Variants in PACRGL observed in about 807,000 individuals in gnomAD.
The protein encoded by PACRGL is parkin coregulated like, also known as PACRG-like protein.
PACRGL carries 38 observed loss-of-function variants against 34.5 expected under a neutral mutation model. The ratio of observed to expected loss-of-function variants is 1.10; its 90% CI spans 0.85 to 1.44. PACRGL has a LOEUF of 1.44. Among genes scored for constraint, PACRGL ranks in the 40% most tolerant of loss-of-function variants. PACRGL has a pLI of 0.00. For missense variants in PACRGL, 305 were observed against 281.4 expected (o/e 1.08, Z -0.60); for synonymous variants, 128 against 100.1 (o/e 1.28, Z -1.66).
At position 20,720,959 on chromosome 4, in the gene PACRGL, C is replaced by T. The variant is rs148948412; in HGVS notation, c.610-3849C>T. Among the ~76,000 whole-genome samples the T allele has an allele frequency of 7.7e-3, 1,170 of 152,340 alleles. 10 individuals carry two copies. The highest frequency in any genetic ancestry group is 0.013 in the Non-Finnish European group (874 of 68,030). ...CCATTCTCCCTGTCACTTTCAGGTA[C>T]ACCAATCAGACGTAGATTTGGTCTT... On this transcript the variant is annotated intron_variant, in intron 7 of 8. Coordinates refer to ENST00000503585, the MANE Select transcript of PACRGL (RefSeq NM_001258345.3).
chr4:20,758,221 C>T, the PACRGL span, among the ~76,000 whole-genome samples: 8 of 152,236 alleles, frequency 5.3e-5, no homozygotes, highest in South Asian at 6.2e-4. Flanking sequence ...ATTATCATTA[C>T]GCTATCCTTG....
At chr4:20,750,595 C>T (rs1189259885) in intron 8 of PACRGL, among the ~76,000 whole-genome samples, 1 of 152,130 alleles carries the variant, frequency 6.6e-6, no homozygotes, top group East Asian at 1.9e-4. Flanking sequence ...TCCTGTTTCT[C>T]CGTTGTCTCC....
chr4:20,742,994 A>G (rs947908035), intron 8 of PACRGL, among the ~76,000 whole-genome samples: 2 of 152,098 alleles, frequency 1.3e-5, no homozygotes, highest in Non-Finnish European at 2.9e-5. Context: ...ATACCTAGGA[A>G]TCCAACTTAT....
At position 20,740,024 on chromosome 4, in the gene PACRGL, C is replaced by T. The variant is rs1028797217; in HGVS notation, c.*57-12541C>T. ...TGAAGATCAAGTGAATGAAATGAAG[C>T]GAGAAGAGAAGTATAGAGAAAAATG... On this transcript the variant is annotated intron_variant, in intron 8 of 8. Coordinates refer to the PACRGL transcript ENST00000507634. 4.6e-5 allele frequency among the ~76,000 whole-genome samples: 7 copies of T among 151,908 alleles called. No individual in the cohort carries two copies. In the South Asian group the frequency reaches 1.0e-3, roughly 23 times the overall value.
At chr4:20,718,951 A>T (rs771801497) in intron 7 of PACRGL, 1 of 152,170 alleles carries the variant, frequency 6.6e-6, no homozygotes, top group Admixed American at 6.5e-5. Context: ...CTGTGAATCC[A>T]TCTGGTCCTG....
At position 20,730,385 on chromosome 4, in the gene PACRGL, G is replaced by A. The variant is rs540780609; in HGVS notation, c.*3044G>A. On this transcript the variant is annotated 3_prime_UTR_variant, in exon 9 of 9. Transcript: ENST00000503585. Reference sequence around the variant, plus strand: ...ACCACTTTATTTAAATCTTTACTTGGTATTAATAGAGGATATTTCTCAAAT... The same window carrying A: ...ACCACTTTATTTAAATCTTTACTTGATATTAATAGAGGATATTTCTCAAAT... 6.3e-4 allele frequency among the ~76,000 whole-genome samples: 96 copies of A among 152,206 alleles called. No individual in the cohort carries two copies. Among genetic ancestry groups the A allele is most frequent in the South Asian group, 1.7e-3 (8 of 4,820 alleles).
intron 8 of PACRGL, among the ~76,000 whole-genome samples, chr4:20,741,692 T>C (rs995411355): frequency 2.6e-5 from 4 of 152,114 alleles, no homozygotes; most frequent in African/African-American, 9.7e-5. Flanking sequence ...ATTCAAAAGC[T>C]AGCAGAAGGC....
downstream of PACRGL, among the ~76,000 whole-genome samples, chr4:20,754,391 A>G (rs540340330): frequency 1.8e-4 from 28 of 152,246 alleles, no homozygotes; most frequent in South Asian, 8.3e-4. Flanking sequence ...ACTGTTCATA[A>G]TGAGAAAAAC....
In PACRGL at chr4:20,729,977, C is replaced by A. The variant is rs1196848351; in HGVS notation, c.*2636C>A. The A allele has an allele frequency of 7.7e-6, 10 of 1,305,774 alleles. No homozygotes were observed. Among genetic ancestry groups the A allele is most frequent in the South Asian group, 1.8e-5 (1 of 55,876 alleles). The allele number at this position is 1,305,774 out of a possible 1,614,324, so 80.9% of individuals were successfully genotyped here. A position where few individuals can be genotyped will look rare whatever the true frequency, so the allele number is the denominator to read the frequency against. ...AAACAAAGCTTGTTTGCATAATATG[C>A]TTCAGTGTCAAGCTGAGCAATCTAT... On this transcript the variant is annotated 3_prime_UTR_variant, in exon 9 of 9. Coordinates refer to ENST00000503585, the MANE Select transcript of PACRGL (RefSeq NM_001258345.3).
chr4:20,759,317 A>G, the PACRGL span, among the ~76,000 whole-genome samples: 1 of 152,284 alleles, frequency 6.6e-6, no homozygotes, highest in African/African-American at 2.4e-5. Flanking sequence ...GAATTACTCT[A>G]TTGGCATCTC....
At chr4:20,712,065 G>C (rs911885439) in intron 5 of PACRGL, among the ~76,000 whole-genome samples, 2 of 152,032 alleles carry the variant, frequency 1.3e-5, no homozygotes, top group South Asian at 4.1e-4. Flanking sequence ...CTTTCAGAAA[G>C]TGAGTGTACA....
chr4:20,729,838 G>C lies in PACRGL; in HGVS notation c.*2497G>C. The C allele has an allele frequency of 2.6e-6, 1 of 379,836 alleles. No individual in the cohort carries two copies. Among genetic ancestry groups the C allele is most frequent in the Non-Finnish European group, 4.7e-6 (1 of 213,644 alleles). 23.5% of individuals were successfully genotyped at this position (379,836 alleles called of 1,614,324 possible). A position where few individuals can be genotyped will look rare whatever the true frequency, so the allele number is the denominator to read the frequency against. ...CTATATGCCAGATTCTATTACTTTTGAATATTCACAGAGTATGAAATGAGT... is the reference window on the plus strand; with the variant it reads ...CTATATGCCAGATTCTATTACTTTTCAATATTCACAGAGTATGAAATGAGT... On this transcript the variant is annotated 3_prime_UTR_variant, in exon 9 of 9. Transcript: ENST00000503585.
the PACRGL span, among the ~76,000 whole-genome samples, chr4:20,759,630 G>C: frequency 7.0e-6 from 1 of 143,734 alleles, no homozygotes; most frequent in African/African-American, 2.6e-5. Context: ...AGTGGTTTTG[G>C]CATTTTTGCT....
intron 5 of PACRGL, among the ~76,000 whole-genome samples, chr4:20,712,372 C>A (rs1285289589): frequency 6.7e-6 from 1 of 149,438 alleles, no homozygotes; most frequent in African/African-American, 2.5e-5. Context: ...AGCTGCAGAT[C>A]GAAACTATTA....
Position 20,712,731 on chromosome 4 carries a change from C to A in PACRGL, c.367-57C>A, listed in dbSNP as rs1046655192. ...TTAAGCAAGTAAAGACTCAATTTTT[C>A]TGTTATTAGCATAATGAAATGGGTA... On this transcript the variant is annotated intron_variant, in intron 5 of 8. Transcript: ENST00000503585. 8.3e-6 allele frequency: 11 copies of A among 1,324,616 alleles called. No individual in the cohort carries two copies. The Admixed American group carries it at 1.8e-4, about 21-fold the overall frequency. 82.1% of individuals were successfully genotyped at this position (1,324,616 alleles called of 1,614,324 possible).
At chr4:20,767,364 T>G in the PACRGL span, 1 of 152,022 alleles carries the variant, frequency 6.6e-6, no homozygotes, top group Non-Finnish European at 1.5e-5. Flanking sequence ...TAAATGTCAG[T>G]AGAAACCCAG....
chr4:20,749,800 G>T, intron 8 of PACRGL: 1 of 1,005,152 alleles, frequency 9.9e-7, no homozygotes, highest in Non-Finnish European at 1.5e-6. Flanking sequence ...TTGGATAGCA[G>T]TCCAAGCTTC....
At chr4:20,722,585 C>T (rs906490210) in intron 7 of PACRGL, among the ~76,000 whole-genome samples, 1 of 152,212 alleles carries the variant, frequency 6.6e-6, no homozygotes, top group African/African-American at 2.4e-5. Flanking sequence ...TTATTGGTGT[C>T]TGTCATGCAG....
chr4:20,718,049 A>C (rs1254222307), intron 7 of PACRGL, among the ~76,000 whole-genome samples: 2 of 152,238 alleles, frequency 1.3e-5, no homozygotes, highest in East Asian at 3.9e-4. Context: ...GAGGTCCTTC[A>C]CATCCCTTGT....
Sources: allele counts gnomAD v4.1 joint callset (sites outside exome capture counted in the v4.1 genomes callset), GRCh38; gene constraint gnomAD v4.1.1; transcripts MANE v1.5; gene names NCBI Gene and HGNC (gene_info 2026-07-23, HGNC 2026-07-21).